IQCJ: variants seen among roughly 807,000 people sequenced by gnomAD.
The protein encoded by IQCJ is IQ motif containing J.
A neutral mutation model predicts 11.0 loss-of-function variants in IQCJ; 9 were observed. The observed-to-expected ratio is 0.82, with a 90% CI of 0.49 to 1.43. IQCJ has a LOEUF of 1.43. Ranked by LOEUF, IQCJ falls within the 40% of genes most tolerant of loss-of-function variation. The pLI, the probability that IQCJ is intolerant of heterozygous loss-of-function variation, is 0.00. For synonymous variants in IQCJ, 55 were observed against 51.3 expected (o/e 1.07, Z -0.31); for missense variants, 146 against 133.2 (o/e 1.10, Z -0.47).
intron 1 of IQCJ, among the ~76,000 whole-genome samples, chr3:159,241,615 C>T (rs1181295824): frequency 1.3e-5 from 2 of 152,104 alleles, no homozygotes; most frequent in African/African-American, 4.8e-5. Context: ...GATGCAAATA[C>T]TTCTGTCACA....
chr3:159,262,052 A>T (rs1440766143), intron 3 of IQCJ, among the ~76,000 whole-genome samples: 1 of 152,246 alleles, frequency 6.6e-6, no homozygotes, highest in East Asian at 1.9e-4. Context: ...TTCACCTTGC[A>T]GTCATGCAAA....
intron 1 of IQCJ, among the ~76,000 whole-genome samples, chr3:159,109,544 AAAC>A (rs987951718): frequency 2.0e-5 from 3 of 151,500 alleles, no homozygotes; most frequent in African/African-American, 7.3e-5. Flanking sequence ...AAAAAAAAAA[AAAC>A]CAGTTGTCAT....
intron 1 of IQCJ, among the ~76,000 whole-genome samples, chr3:159,134,585 A>G (rs1488508785): frequency 6.6e-6 from 1 of 152,216 alleles, no homozygotes; most frequent in Non-Finnish European, 1.5e-5. Flanking sequence ...AAGCTTATAC[A>G]TCTTTCTTTC....
chr3:159,131,975 GCA>G (rs762738862), intron 1 of IQCJ, among the ~76,000 whole-genome samples: 6 of 151,870 alleles, frequency 4.0e-5, no homozygotes, highest in Non-Finnish European at 8.8e-5. Context: ...CACAAATAGA[GCA>G]AGCCTGTTTT....
intron 1 of IQCJ, among the ~76,000 whole-genome samples, chr3:159,180,300 T>C (rs1400299598): frequency 6.8e-6 from 1 of 146,918 alleles, no homozygotes; most frequent in African/African-American, 2.7e-5. Flanking sequence ...CTCTCTCTCT[T>C]TCTGTCTCTC....
chr3:159,124,176 C>T (rs1719540181), intron 1 of IQCJ, among the ~76,000 whole-genome samples: 1 of 152,158 alleles, frequency 6.6e-6, no homozygotes, highest in African/African-American at 2.4e-5. Context: ...GCTCTGGACT[C>T]CTTCCACTTC....
chr3:159,195,690 G>A (rs552589446), intron 1 of IQCJ, among the ~76,000 whole-genome samples: 2 of 152,264 alleles, frequency 1.3e-5, no homozygotes, highest in Admixed American at 6.5e-5. Flanking sequence ...CAGCATCCTG[G>A]TATAGACCAG....
chr3:159,153,505 A>G (rs1721345818), intron 1 of IQCJ, among the ~76,000 whole-genome samples: 1 of 152,224 alleles, frequency 6.6e-6, no homozygotes, highest in South Asian at 2.1e-4. Context: ...TATTATTTTC[A>G]TACTTTATTA....
intron 1 of IQCJ, among the ~76,000 whole-genome samples, chr3:159,129,812 C>G (rs1297086729): frequency 6.6e-6 from 1 of 152,110 alleles, no homozygotes; most frequent in Non-Finnish European, 1.5e-5. Context: ...CCCAGTTTCC[C>G]CCAGTGGTAT....
chr3:159,214,318 C>T (rs976293187), intron 1 of IQCJ, among the ~76,000 whole-genome samples: 1 of 152,170 alleles, frequency 6.6e-6, no homozygotes, highest in Non-Finnish European at 1.5e-5. Context: ...CTGGGGGTAG[C>T]TCCAGCTGTT....
chr3:159,263,668 A>C lies in IQCJ; in HGVS notation c.*937A>C, dbSNP rs760587668. 2.0e-6 allele frequency: 2 copies of C among 985,392 alleles called. No individual in the cohort carries two copies. Among genetic ancestry groups the C allele is most frequent in the Non-Finnish European group, 2.4e-6 (2 of 829,900 alleles). The allele number at this position is 985,392 out of a possible 1,614,324, so 61.0% of individuals were successfully genotyped here. On this transcript the variant is annotated 3_prime_UTR_variant, in exon 4 of 4. Transcript: ENST00000397832. Reference sequence around the variant, plus strand: ...AAAAGGTTTCCCAACACTCAACGCAATGTATTCTTTTTGGGATCAGGTAAA... The same window carrying C: ...AAAAGGTTTCCCAACACTCAACGCACTGTATTCTTTTTGGGATCAGGTAAA...
At position 159,154,188 on chromosome 3, in the gene IQCJ, CA is replaced by C. The variant is rs1721385982; in HGVS notation, c.9+84748del. On this transcript the variant is annotated intron_variant, in intron 1 of 3. Coordinates refer to ENST00000397832, the MANE Select transcript of IQCJ (RefSeq NM_001042706.3). ...TGCACACTGAGGGGATGATAAAAAT[CA>C]TTAGAAAGATTTCACACTTAGATTG... 2.0e-5 allele frequency among the ~76,000 whole-genome samples: 3 copies of C among 152,112 alleles called. No homozygotes were observed. The South Asian group carries it at 6.2e-4, about 32-fold the overall frequency.
At chr3:159,259,408 G>A (rs1032313635) in intron 3 of IQCJ, among the ~76,000 whole-genome samples, 5 of 152,018 alleles carry the variant, frequency 3.3e-5, no homozygotes, top group African/African-American at 1.2e-4. Context: ...GAATAGCATT[G>A]TCTAGTTTCA....
intron 1 of IQCJ, among the ~76,000 whole-genome samples, chr3:159,141,801 C>A (rs1720620487): frequency 6.6e-6 from 1 of 152,150 alleles, no homozygotes; most frequent in Non-Finnish European, 1.5e-5. Flanking sequence ...CTGCTAGAAT[C>A]ATTTTGAGAC....
At chr3:159,246,016 T>C (rs768619586) in intron 2 of IQCJ, 109 bp downstream of exon 2, 113 of 832,888 alleles carry the variant, frequency 1.4e-4, no homozygotes, top group Non-Finnish European at 1.9e-4. Context: ...TCTTATGTTA[T>C]CATTGTGGTC....
Position 159,107,280 on chromosome 3 carries a change from G to T in IQCJ, c.9+37839G>T, listed in dbSNP as rs74901822. On this transcript the variant is annotated intron_variant, in intron 1 of 3. Coordinates refer to ENST00000397832, the MANE Select transcript of IQCJ (RefSeq NM_001042706.3). ...ATAGGCTTAGTGACCTTATAAAAAA[G>T]ACCCCAGAGAGCTAGCTAGTCCCTT... 7.7e-4 allele frequency among the ~76,000 whole-genome samples: 117 copies of T among 152,256 alleles called. 1 individual carries two copies. In the East Asian group the frequency reaches 0.018, roughly 24 times the overall value.
chr3:159,188,557 A>G (rs1037390092), intron 1 of IQCJ, among the ~76,000 whole-genome samples: 7 of 152,212 alleles, frequency 4.6e-5, no homozygotes, highest in African/African-American at 1.4e-4. Flanking sequence ...CCTATTATTA[A>G]CATTTTACAT....
At chr3:159,089,743 G>T (rs1717096903) in intron 1 of IQCJ, among the ~76,000 whole-genome samples, 1 of 151,370 alleles carries the variant, frequency 6.6e-6, no homozygotes, top group African/African-American at 2.4e-5. Context: ...TCTTTACGTA[G>T]TTCTAGAGCC....
chr3:159,202,014 G>C (rs959517068), intron 1 of IQCJ, among the ~76,000 whole-genome samples: 6 of 152,104 alleles, frequency 3.9e-5, no homozygotes, highest in African/African-American at 1.4e-4. Flanking sequence ...GTTCTATGCT[G>C]GTTTCCTCTA....
Sources: gnomAD v4.1 joint callset for allele counts (sites outside exome capture counted in the v4.1 genomes callset) on GRCh38, gnomAD v4.1.1 for gene constraint, MANE v1.5 for transcripts, NCBI Gene and HGNC (gene_info 2026-07-23, HGNC 2026-07-21) for gene names.